SLC24A2: variants seen among roughly 807,000 people sequenced by gnomAD.
SLC24A2 encodes sodium/potassium/calcium exchanger 2.
A neutral mutation model predicts 62.0 loss-of-function variants in SLC24A2; 36 were observed. That is an observed-to-expected ratio of 0.58 (90% CI 0.44 to 0.77). SLC24A2 has a LOEUF of 0.77. SLC24A2 is among the 30% of genes least tolerant of loss of function. SLC24A2 has a pLI of 0.00. For missense variants in SLC24A2, 846 were observed against 817.9 expected, an observed-to-expected ratio of 1.03 and a Z score of -0.42; for synonymous variants, 358 against 294.0, an observed-to-expected ratio of 1.22 and a Z score of -2.23.
At chr9:20,050,728 C>T in the SLC24A2 span, among the ~76,000 whole-genome samples, 2 of 152,244 alleles carry the variant, frequency 1.3e-5, no homozygotes, top group East Asian at 1.9e-4. Context: ...ATATTGGAGT[C>T]TGGTTTTACA....
At chr9:20,069,037 ACCTC>A in the SLC24A2 span, among the ~76,000 whole-genome samples, 1 of 127,000 alleles carries the variant, frequency 7.9e-6, no homozygotes, top group Admixed American at 9.4e-5. Flanking sequence ...TCCTCTTTTC[ACCTC>A]CCAAAACTAC....
the SLC24A2 span, among the ~76,000 whole-genome samples, chr9:20,018,676 C>T: frequency 6.6e-6 from 1 of 152,066 alleles, no homozygotes; most frequent in Admixed American, 6.6e-5. Flanking sequence ...GTTTTGAGAA[C>T]CCACTACACA....
chr9:19,751,422 T>C (rs1345611629), intron 2 of SLC24A2, among the ~76,000 whole-genome samples: 1 of 152,018 alleles, frequency 6.6e-6, no homozygotes, highest in Admixed American at 6.6e-5. Context: ...AATTTAAAAG[T>C]CTTGAGTGGG....
chr9:19,840,885 A>T, the SLC24A2 span, among the ~76,000 whole-genome samples: 5 of 152,188 alleles, frequency 3.3e-5, no homozygotes, highest in Admixed American at 3.3e-4. Context: ...TTTGCTCAAC[A>T]TTTTTTTAAA....
the SLC24A2 span, among the ~76,000 whole-genome samples, chr9:19,900,326 C>T: frequency 6.6e-6 from 1 of 152,058 alleles, no homozygotes. Flanking sequence ...GGAAAATTAC[C>T]CAAATATAGG....
At chr9:19,528,918 T>C (rs1043604682) in intron 8 of SLC24A2, among the ~76,000 whole-genome samples, 3 of 152,072 alleles carry the variant, frequency 2.0e-5, no homozygotes, top group Non-Finnish European at 2.9e-5. Flanking sequence ...ATCTCAGGCA[T>C]AAAGTGTGAG....
At chr9:19,553,672 G>A (rs937959158) in intron 7 of SLC24A2, among the ~76,000 whole-genome samples, 2 of 152,190 alleles carry the variant, frequency 1.3e-5, no homozygotes, top group African/African-American at 4.8e-5. Context: ...TCCAGTGTCT[G>A]CTCAGGCTGT....
chr9:19,956,686 G>A, the SLC24A2 span, among the ~76,000 whole-genome samples: 1 of 152,108 alleles, frequency 6.6e-6, no homozygotes, highest in East Asian at 1.9e-4. Context: ...ACTATCACGA[G>A]AACAGCATGG....
the SLC24A2 span, among the ~76,000 whole-genome samples, chr9:19,836,562 G>T: frequency 1.3e-5 from 2 of 152,082 alleles, no homozygotes; most frequent in African/African-American, 4.8e-5. Flanking sequence ...CCAATAACAG[G>T]CTCTGAAATT....
the SLC24A2 span, among the ~76,000 whole-genome samples, chr9:19,825,656 A>G: frequency 1.3e-5 from 2 of 152,196 alleles, no homozygotes; most frequent in African/African-American, 2.4e-5. Flanking sequence ...ACTTCAGCAT[A>G]GAAGGTAGAA....
At chr9:19,733,402 C>T (rs968314263) in intron 2 of SLC24A2, among the ~76,000 whole-genome samples, 3 of 152,178 alleles carry the variant, frequency 2.0e-5, no homozygotes, top group Non-Finnish European at 4.4e-5. Flanking sequence ...ACAATATCCC[C>T]TTCAGTCATC....
At chr9:19,751,955 CCTTT>C (rs1821998197) in intron 2 of SLC24A2, among the ~76,000 whole-genome samples, 1 of 152,186 alleles carries the variant, frequency 6.6e-6, no homozygotes, top group African/African-American at 2.4e-5. Context: ...TTGTCCTGCT[CCTTT>C]CTATGTACCA....
At chr9:20,169,759 A>G in the SLC24A2 span, among the ~76,000 whole-genome samples, 1 of 151,952 alleles carries the variant, frequency 6.6e-6, no homozygotes, top group Non-Finnish European at 1.5e-5. Flanking sequence ...TGGTAATATG[A>G]CAAAACAAAG....
At chr9:19,709,298 C>T (rs1398686121) in intron 2 of SLC24A2, among the ~76,000 whole-genome samples, 1 of 152,172 alleles carries the variant, frequency 6.6e-6, no homozygotes, top group Non-Finnish European at 1.5e-5. Flanking sequence ...CACTTTCACA[C>T]TGTTGGTGGG....
At chr9:19,684,643 T>C (rs1345107005) in intron 2 of SLC24A2, among the ~76,000 whole-genome samples, 1 of 152,050 alleles carries the variant, frequency 6.6e-6, no homozygotes, top group Non-Finnish European at 1.5e-5. Flanking sequence ...TATCTGGAAT[T>C]TGGGTCTTTC....
At chr9:19,571,883 G>A (rs756491025) in intron 7 of SLC24A2, among the ~76,000 whole-genome samples, 7 of 151,784 alleles carry the variant, frequency 4.6e-5, no homozygotes, top group Non-Finnish European at 8.8e-5. Flanking sequence ...CAGTTGGACG[G>A]TCCTGAGATG....
the SLC24A2 span, among the ~76,000 whole-genome samples, chr9:20,225,953 G>C: frequency 2.6e-5 from 4 of 151,956 alleles, no homozygotes; most frequent in Non-Finnish European, 5.9e-5. Context: ...GGAAGAGAGA[G>C]AGGGAAGAAT....
At chr9:19,988,440 C>G in the SLC24A2 span, among the ~76,000 whole-genome samples, 1 of 152,264 alleles carries the variant, frequency 6.6e-6, no homozygotes, top group African/African-American at 2.4e-5. Context: ...CAATATGGGT[C>G]AGAGGATGGG....
At chr9:19,616,504 A>G (rs1011036411) in intron 4 of SLC24A2, among the ~76,000 whole-genome samples, 7 of 152,194 alleles carry the variant, frequency 4.6e-5, no homozygotes, top group African/African-American at 1.4e-4. Context: ...GCCTTGCCCA[A>G]AATAAACATA....
Sources: allele counts gnomAD v4.1 joint callset (sites outside exome capture counted in the v4.1 genomes callset), GRCh38; gene constraint gnomAD v4.1.1; transcripts MANE v1.5; gene names NCBI Gene and HGNC (gene_info 2026-07-23, HGNC 2026-07-21).